The following ERC2 variants were observed in gnomAD, a reference collection of about 807,000 sequenced individuals.
The protein encoded by ERC2 is ELKS/RAB6-interacting/CAST family member 2, also known as ERC protein 2.
Under a neutral mutation model 114.8 loss-of-function variants are expected in ERC2, and 42 were observed. The observed-to-expected ratio is 0.37, with a 90% CI of 0.29 to 0.47. The LOEUF (loss-of-function observed/expected upper bound fraction) is 0.47, where lower values mean the gene tolerates loss of function less well. ERC2 is among the 20% of genes least tolerant of loss of function. ERC2 has a pLI of 0.99. For missense variants in ERC2, 939 were observed against 1,150.7 expected (o/e 0.82, Z 2.66); for synonymous variants, 454 against 425.5 (o/e 1.07, Z -0.82).
intron 12 of ERC2, among the ~76,000 whole-genome samples, chr3:55,965,360 A>G (rs368517824): frequency 6.6e-6 from 1 of 152,370 alleles, no homozygotes; most frequent in East Asian, 1.9e-4. Context: ...TGATTTTTAA[A>G]TATTATTTAA....
At chr3:56,333,834 AC>A (rs2057738683) in intron 2 of ERC2, among the ~76,000 whole-genome samples, 1 of 152,222 alleles carries the variant, frequency 6.6e-6, no homozygotes, top group Admixed American at 6.5e-5. Context: ...TTTTTAAAAC[AC>A]AACAAAACAG....
At chr3:55,737,805 C>G (rs768317290) in intron 14 of ERC2, among the ~76,000 whole-genome samples, 3 of 152,170 alleles carry the variant, frequency 2.0e-5, no homozygotes, top group Non-Finnish European at 4.4e-5. Flanking sequence ...GACAAACTTT[C>G]AAGGCCGTTT....
chr3:55,670,503 G>C (rs183799706), intron 17 of ERC2, among the ~76,000 whole-genome samples: 4 of 152,322 alleles, frequency 2.6e-5, no homozygotes, highest in South Asian at 4.1e-4. Flanking sequence ...GGTCACCATG[G>C]GGAATGCAAT....
intron 17 of ERC2, among the ~76,000 whole-genome samples, chr3:55,540,356 T>C (rs1316354084): frequency 6.6e-6 from 1 of 152,212 alleles, no homozygotes; most frequent in African/African-American, 2.4e-5. Context: ...CACACCTTAC[T>C]CTTCTACTTT....
chr3:56,314,958 T>A (rs1023166413), intron 2 of ERC2, among the ~76,000 whole-genome samples: 11 of 152,298 alleles, frequency 7.2e-5, no homozygotes, highest in African/African-American at 2.6e-4. Flanking sequence ...TGTTACCACA[T>A]AATTAGTTTC....
intron 3 of ERC2, among the ~76,000 whole-genome samples, chr3:56,266,030 AAAAATAAAAT>A (rs200509039): frequency 0.33 from 40,356 of 122,446 alleles, 8,013 homozygotes; most frequent in Non-Finnish European, 0.41. Context: ...ATCCGACCAA[AAAAATAAAAT>A]AAAATAAAAT....
intron 3 of ERC2, among the ~76,000 whole-genome samples, chr3:56,241,137 T>C (rs1388368224): frequency 6.6e-6 from 1 of 152,148 alleles, no homozygotes; most frequent in African/African-American, 2.4e-5. Flanking sequence ...TCCATCCATA[T>C]TGCTGTGAAA....
chr3:56,288,303 C>T (rs569412307), intron 3 of ERC2, among the ~76,000 whole-genome samples: 4 of 152,166 alleles, frequency 2.6e-5, no homozygotes, highest in South Asian at 4.2e-4. Flanking sequence ...TTTTTCAGAG[C>T]GCCATCACAC....
chr3:55,829,433 AG>A (rs1178803462), intron 14 of ERC2, among the ~76,000 whole-genome samples: 1 of 152,232 alleles, frequency 6.6e-6, no homozygotes, highest in African/African-American at 2.4e-5. Flanking sequence ...ACAGATCAAC[AG>A]AAATCATCCA....
chr3:55,651,603 A>T (rs1575945523), intron 17 of ERC2, among the ~76,000 whole-genome samples: 1 of 152,140 alleles, frequency 6.6e-6, no homozygotes, highest in Non-Finnish European at 1.5e-5. Context: ...AAACCTCTGA[A>T]GACTGCCCCA....
At chr3:56,197,215 G>A (rs983156155) in intron 3 of ERC2, among the ~76,000 whole-genome samples, 12 of 152,078 alleles carry the variant, frequency 7.9e-5, no homozygotes, top group Non-Finnish European at 1.5e-4. Context: ...GTGTGGCCTC[G>A]GGCAAGTAAC....
rs79850770 is a variant in ERC2, at chr3:55,826,260, G to A, written c.2564+62129C>T. ...ATAGCAGGAAAGAACAATCAATCCAGGACAGCTCTAGTGTACTTGGCCTCA... is the reference window on the plus strand; with the variant it reads ...ATAGCAGGAAAGAACAATCAATCCAAGACAGCTCTAGTGTACTTGGCCTCA... On this transcript the variant is annotated intron_variant, in intron 14 of 17. Coordinates refer to ENST00000288221, the MANE Select transcript of ERC2 (RefSeq NM_015576.3). Among the ~76,000 whole-genome samples, 485 of 152,260 alleles carry A rather than the reference G, an allele frequency of 3.2e-3. 3 individuals carry two copies. Among genetic ancestry groups the A allele is most frequent in the African/African-American group, 0.011 (461 of 41,540 alleles).
chr3:56,078,318 CTT>C (rs1435981673), intron 7 of ERC2, among the ~76,000 whole-genome samples: 2 of 152,202 alleles, frequency 1.3e-5, no homozygotes, highest in African/African-American at 4.8e-5. Context: ...ACTTTTAACT[CTT>C]TGGTAAAGCC....
intron 12 of ERC2, among the ~76,000 whole-genome samples, chr3:55,962,128 G>A (rs571477881): frequency 1.4e-4 from 21 of 152,196 alleles, no homozygotes; most frequent in Non-Finnish European, 2.8e-4. Flanking sequence ...CTAAGAGGCC[G>A]AGGTCAAAAA....
At chr3:56,117,762 A>T (rs1252450237) in intron 6 of ERC2, among the ~76,000 whole-genome samples, 1 of 152,242 alleles carries the variant, frequency 6.6e-6, no homozygotes, top group African/African-American at 2.4e-5. Context: ...TTCGATGAGC[A>T]CCTGCTCTGT....
At chr3:56,017,309 T>C (rs1452344181) in intron 8 of ERC2, among the ~76,000 whole-genome samples, 1 of 152,198 alleles carries the variant, frequency 6.6e-6, no homozygotes, top group East Asian at 1.9e-4. Flanking sequence ...TGAACTCATT[T>C]AGCCAGAATG....
chr3:56,326,321 G>C (rs940671055), intron 2 of ERC2, among the ~76,000 whole-genome samples: 11 of 152,212 alleles, frequency 7.2e-5, no homozygotes, highest in African/African-American at 2.7e-4. Flanking sequence ...GGAAGTCATA[G>C]AAATGCCCTA....
intron 2 of ERC2, among the ~76,000 whole-genome samples, chr3:56,426,068 T>C (rs1285016346): frequency 1.3e-5 from 2 of 152,230 alleles, no homozygotes; most frequent in Non-Finnish European, 2.9e-5. Flanking sequence ...CTGGTGATAT[T>C]TGTTCCTTTA....
intron 4 of ERC2, among the ~76,000 whole-genome samples, chr3:56,161,245 C>T (rs906474394): frequency 2.6e-5 from 4 of 152,172 alleles, no homozygotes; most frequent in Non-Finnish European, 5.9e-5. Flanking sequence ...AGAAGCTGAG[C>T]AGTTGTTGTT....
Sources: allele counts gnomAD v4.1 joint callset (sites outside exome capture counted in the v4.1 genomes callset), GRCh38; gene constraint gnomAD v4.1.1; transcripts MANE v1.5; gene names NCBI Gene and HGNC (gene_info 2026-07-23, HGNC 2026-07-21).